Variants in FAM13A observed in about 807,000 individuals in gnomAD.
The protein encoded by FAM13A is protein FAM13A.
A neutral mutation model predicts 129.6 loss-of-function variants in FAM13A; 76 were observed. The observed-to-expected ratio is 0.59, with a 90% CI of 0.49 to 0.71. The LOEUF (loss-of-function observed/expected upper bound fraction) is 0.71, where lower values mean the gene tolerates loss of function less well. Ranked by LOEUF, FAM13A falls within the 30% of genes least tolerant of loss-of-function variation. The pLI is 0.00. For synonymous variants in FAM13A, 443 were observed against 449.9 expected, an observed-to-expected ratio of 0.98 and a Z score of 0.20; for missense variants, 1,108 against 1,249.3, an observed-to-expected ratio of 0.89 and a Z score of 1.70.
At chr4:88,755,161 T>A (rs1743377828) in intron 14 of FAM13A, among the ~76,000 whole-genome samples, 1 of 152,104 alleles carries the variant, frequency 6.6e-6, no homozygotes, top group South Asian at 2.1e-4. Flanking sequence ...CCTTAATAAA[T>A]CTGTAGAGGA....
chr4:88,883,595 C>A (rs1015189274), intron 6 of FAM13A, among the ~76,000 whole-genome samples: 5 of 151,852 alleles, frequency 3.3e-5, no homozygotes, highest in Non-Finnish European at 7.4e-5. Context: ...AAGGTCACAC[C>A]TCAAGGAACT....
intron 14 of FAM13A, 38 bp downstream of exon 14, chr4:88,758,716 T>TA: frequency 6.3e-7 from 1 of 1,590,862 alleles, no homozygotes; most frequent in Non-Finnish European, 8.6e-7. Context: ...ATATATGCTT[T>TA]AATGATAGCA....
At chr4:88,767,705 G>T in intron 12 of FAM13A, 110 bp from the exon 13 acceptor site, 1 of 845,394 alleles carries the variant, frequency 1.2e-6, no homozygotes, top group Non-Finnish European at 1.8e-6. Flanking sequence ...GTAGCTCTAA[G>T]CCAAATACTT....
At chr4:88,788,123 G>A (rs1013745907) in intron 9 of FAM13A, among the ~76,000 whole-genome samples, 191 bp from the exon 10 acceptor site, 1 of 152,086 alleles carries the variant, frequency 6.6e-6, no homozygotes, top group Non-Finnish European at 1.5e-5. Context: ...AAAACTAAAC[G>A]AAAACAATTC....
At chr4:88,985,338 A>G (rs1403615197) in intron 4 of FAM13A, among the ~76,000 whole-genome samples, 1 of 152,188 alleles carries the variant, frequency 6.6e-6, no homozygotes, top group Admixed American at 6.5e-5. Flanking sequence ...ACAGTACAGC[A>G]TTTCTTTTGG....
Position 88,863,346 on chromosome 4 carries a change from C to T in FAM13A, c.844-12163G>A, listed in dbSNP as rs555117464. 6.6e-5 allele frequency among the ~76,000 whole-genome samples: 10 copies of T among 152,232 alleles called. No homozygotes were observed. The South Asian group carries it at 2.1e-3, about 32-fold the overall frequency. ...GGTTGGTGAATACATGGAGGTGCTG[C>T]GAGGGTGGTGTGCCCAGAAGGGGCA... On this transcript the variant is annotated intron_variant, in intron 6 of 23. Coordinates refer to ENST00000264344, the MANE Select transcript of FAM13A (RefSeq NM_014883.4).
chr4:88,781,887 GC>G (rs1200226281), intron 10 of FAM13A, among the ~76,000 whole-genome samples: 6 of 150,872 alleles, frequency 4.0e-5, no homozygotes, highest in Non-Finnish European at 5.9e-5. Context: ...TATACCTAAT[GC>G]TAAATGACGA....
intron 3 of FAM13A, among the ~76,000 whole-genome samples, chr4:89,006,490 T>C (rs1422581618): frequency 6.6e-6 from 1 of 152,166 alleles, no homozygotes; most frequent in African/African-American, 2.4e-5. Flanking sequence ...TCAAACCCCT[T>C]GTGGGAGGAG....
intron 7 of FAM13A, among the ~76,000 whole-genome samples, chr4:88,823,787 G>A (rs191399186): frequency 1.3e-5 from 2 of 152,300 alleles, no homozygotes; most frequent in East Asian, 3.9e-4. Flanking sequence ...GTGGTTACTA[G>A]TCGCTGGTGA....
intron 7 of FAM13A, among the ~76,000 whole-genome samples, chr4:88,847,110 T>C (rs1736777720): frequency 6.6e-6 from 1 of 152,212 alleles, no homozygotes. Flanking sequence ...ACAGTAGATC[T>C]ATGGATAGAG....
intron 5 of FAM13A, among the ~76,000 whole-genome samples, chr4:88,916,071 T>A (rs371728186): frequency 3.9e-5 from 6 of 152,186 alleles, no homozygotes; most frequent in Middle Eastern, 3.4e-3. Context: ...GAAGAGAGAT[T>A]TGAACTAGCA....
intron 4 of FAM13A, among the ~76,000 whole-genome samples, chr4:88,943,814 G>T (rs1042709198): frequency 1.3e-5 from 2 of 152,106 alleles, no homozygotes; most frequent in African/African-American, 2.4e-5. Flanking sequence ...TGATGAAGAA[G>T]AATTATGAAT....
intron 2 of FAM13A, among the ~76,000 whole-genome samples, chr4:89,021,273 G>C (rs1473949680): frequency 6.6e-6 from 1 of 152,160 alleles, no homozygotes; most frequent in East Asian, 1.9e-4. Flanking sequence ...TTAACCTTTG[G>C]CTAAAGCAAC....
intron 6 of FAM13A, among the ~76,000 whole-genome samples, chr4:88,865,328 C>T (rs1173413998): frequency 6.6e-6 from 1 of 151,912 alleles, no homozygotes; most frequent in Non-Finnish European, 1.5e-5. Flanking sequence ...CAGTTAGGCA[C>T]AATTATTTAA....
intron 6 of FAM13A, among the ~76,000 whole-genome samples, chr4:88,884,935 A>T (rs566398663): frequency 2.6e-5 from 4 of 152,306 alleles, no homozygotes; most frequent in Non-Finnish European, 5.9e-5. Context: ...TTAGGAATAT[A>T]TCTAAACAAG....
At chr4:88,888,110 C>T (rs998860064) in intron 6 of FAM13A, among the ~76,000 whole-genome samples, 1 of 152,158 alleles carries the variant, frequency 6.6e-6, no homozygotes, top group African/African-American at 2.4e-5. Flanking sequence ...ATATGATGCT[C>T]ATTTTCTCCT....
intron 14 of FAM13A, among the ~76,000 whole-genome samples, chr4:88,757,697 A>T (rs1042856784): frequency 6.6e-6 from 1 of 152,192 alleles, no homozygotes; most frequent in Admixed American, 6.5e-5. Flanking sequence ...GAACTAGAAT[A>T]AAAAAGTTTG....
chr4:88,954,867 C>T (rs1457240988), intron 4 of FAM13A, among the ~76,000 whole-genome samples: 1 of 143,408 alleles, frequency 7.0e-6, no homozygotes, highest in African/African-American at 2.6e-5. Context: ...GCCTGGGCGA[C>T]AGAGCAAGAC....
chr4:88,943,036 T>C (rs1430927136), intron 4 of FAM13A, among the ~76,000 whole-genome samples: 1 of 152,242 alleles, frequency 6.6e-6, no homozygotes, highest in Non-Finnish European at 1.5e-5. Flanking sequence ...TAATCTCGTC[T>C]GTACTAAAAG....
Sources: allele counts gnomAD v4.1 joint callset (sites outside exome capture counted in the v4.1 genomes callset), GRCh38; gene constraint gnomAD v4.1.1; transcripts MANE v1.5; gene names NCBI Gene and HGNC (gene_info 2026-07-23, HGNC 2026-07-21).